The following SDK1 variants were observed in gnomAD, a reference collection of about 807,000 sequenced individuals.
SDK1 encodes sidekick cell adhesion molecule 1.
A neutral mutation model predicts 245.5 loss-of-function variants in SDK1; 157 were observed. The observed-to-expected ratio is 0.64, with a 90% CI of 0.56 to 0.73. SDK1 has a LOEUF of 0.73. Ranked by LOEUF, SDK1 falls within the 30% of genes least tolerant of loss-of-function variation. The probability of loss-of-function intolerance (pLI) is 0.00; values close to 1 mark genes in which losing one functional copy is unlikely to be tolerated. For missense variants in SDK1, 3,583 were observed against 3,002.3 expected, an observed-to-expected ratio of 1.19 and a Z score of -4.52; for synonymous variants, 1,647 against 1,278.5, an observed-to-expected ratio of 1.29 and a Z score of -6.15.
At chr7:3,667,113 T>C (rs1185882651) in intron 4 of SDK1, among the ~76,000 whole-genome samples, 3 of 152,202 alleles carry the variant, frequency 2.0e-5, no homozygotes, top group Non-Finnish European at 2.9e-5. Flanking sequence ...TTGTGACATA[T>C]TGTAATATGT....
rs942040848 is a variant in SDK1 at position 4,266,901 on chromosome 7, C to A, written c.*1517C>A. On this transcript the variant is annotated 3_prime_UTR_variant, in exon 45 of 45. Coordinates refer to ENST00000404826, the MANE Select transcript of SDK1 (RefSeq NM_152744.4). ...GCACGGCAAACGGGCAGGTGCCGTT[C>A]CCCCAGTGACCTGAGGGTAGGGGAC... 1 of 985,486 alleles carries A rather than the reference C, an allele frequency of 1.0e-6. No individual in the cohort carries two copies. 61.0% of individuals were successfully genotyped at this position (985,486 alleles called of 1,614,324 possible).
At chr7:4,127,550 G>C in intron 26 of SDK1, 54 bp downstream of exon 26, 1 of 1,320,740 alleles carries the variant, frequency 7.6e-7, no homozygotes, top group Non-Finnish European at 1.1e-6. Flanking sequence ...TGGGGAAATG[G>C]GAGCATGTGC....
At chr7:3,672,697 TTAAA>T (rs943783074) in intron 4 of SDK1, among the ~76,000 whole-genome samples, 4 of 135,308 alleles carry the variant, frequency 3.0e-5, no homozygotes, top group African/African-American at 8.2e-5. Context: ...AAAATTTATA[TTAAA>T]TAAAAATTAA....
chr7:4,040,495 G>A (rs1464788855), intron 17 of SDK1, among the ~76,000 whole-genome samples: 2 of 152,180 alleles, frequency 1.3e-5, no homozygotes, highest in African/African-American at 4.8e-5. Context: ...GACACACAAG[G>A]AGTGAGGTTA....
At chr7:3,796,615 C>T (rs546973426) in intron 4 of SDK1, among the ~76,000 whole-genome samples, 4 of 152,334 alleles carry the variant, frequency 2.6e-5, no homozygotes, top group Non-Finnish European at 5.9e-5. Flanking sequence ...TCCCTCGTGA[C>T]CACCTTGGCT....
At chr7:3,997,775 C>T (rs1333103962) in intron 14 of SDK1, among the ~76,000 whole-genome samples, 1 of 152,154 alleles carries the variant, frequency 6.6e-6, no homozygotes, top group African/African-American at 2.4e-5. Context: ...CCCCAGCCTC[C>T]AGGCCCTCAC....
At chr7:4,216,005 T>C (rs1179440976) in intron 38 of SDK1, among the ~76,000 whole-genome samples, 1 of 152,046 alleles carries the variant, frequency 6.6e-6, no homozygotes, top group Non-Finnish European at 1.5e-5. Flanking sequence ...GTTCCTGCAT[T>C]CTCTCTTCCT....
intron 1 of SDK1, among the ~76,000 whole-genome samples, chr7:3,308,833 C>G (rs1779482380): frequency 6.6e-6 from 1 of 151,966 alleles, no homozygotes; most frequent in African/African-American, 2.4e-5. Flanking sequence ...GGGTTGGAAG[C>G]TCTCAAGTGT....
At chr7:3,588,733 C>T (rs964946998) in intron 1 of SDK1, among the ~76,000 whole-genome samples, 2 of 152,172 alleles carry the variant, frequency 1.3e-5, no homozygotes, top group African/African-American at 4.8e-5. Context: ...TTAGTTTCTC[C>T]TTGCTATCAG....
chr7:4,198,953 A>G (rs901326841), intron 35 of SDK1, among the ~76,000 whole-genome samples: 1 of 151,516 alleles, frequency 6.6e-6, no homozygotes, highest in Non-Finnish European at 1.5e-5. Flanking sequence ...AGCTGAAATT[A>G]CAGGCACGCA....
At chr7:3,720,473 A>G (rs1785334769) in intron 4 of SDK1, among the ~76,000 whole-genome samples, 1 of 152,240 alleles carries the variant, frequency 6.6e-6, no homozygotes, top group African/African-American at 2.4e-5. Context: ...AAACATGTAT[A>G]AAGATATTCA....
intron 2 of SDK1, among the ~76,000 whole-genome samples, chr7:3,620,550 G>C (rs1340247616): frequency 6.6e-6 from 1 of 152,150 alleles, no homozygotes; most frequent in Non-Finnish European, 1.5e-5. Context: ...TGATCTGCCT[G>C]CCTTGGCCTG....
At chr7:3,754,375 A>T (rs1170419138) in intron 4 of SDK1, among the ~76,000 whole-genome samples, 1 of 152,222 alleles carries the variant, frequency 6.6e-6, no homozygotes, top group East Asian at 1.9e-4. Flanking sequence ...TTCCCCTGAA[A>T]TTCAGGTAAC....
At chr7:3,673,522 A>G (rs759235899) in intron 4 of SDK1, among the ~76,000 whole-genome samples, 1 of 152,242 alleles carries the variant, frequency 6.6e-6, no homozygotes, top group South Asian at 2.1e-4. Context: ...ATAAAAGTAC[A>G]TACCATAGGC....
At chr7:4,134,677 A>T (rs982744962) in intron 28 of SDK1, 1 of 152,644 alleles carries the variant, frequency 6.6e-6, no homozygotes, top group Non-Finnish European at 1.5e-5. Flanking sequence ...CCTGGCTCCC[A>T]CTGCCGGCCT....
Position 4,266,166 on chromosome 7 carries a change from C to T in SDK1, c.*782C>T, listed in dbSNP as rs1302319615. ...CCTCTCCTTCCCCGAACACAGCACA[C>T]GGTCAACTCCGCGGGACACGAGGAC... On this transcript the variant is annotated 3_prime_UTR_variant, in exon 45 of 45. Transcript: ENST00000404826. 14 of 985,372 alleles carry T rather than the reference C, an allele frequency of 1.4e-5. No homozygotes were observed. Among genetic ancestry groups the T allele is most frequent in the Middle Eastern group, 5.2e-4 (1 of 1,936 alleles). 61.0% of individuals were successfully genotyped at this position (985,372 alleles called of 1,614,324 possible).
chr7:3,807,253 C>G (rs112571524), intron 4 of SDK1, among the ~76,000 whole-genome samples: 4 of 152,254 alleles, frequency 2.6e-5, no homozygotes, highest in African/African-American at 7.2e-5. Flanking sequence ...AAGGTAACCT[C>G]CAGAACAGTC....
At chr7:3,397,467 G>C (rs559576489) in intron 1 of SDK1, among the ~76,000 whole-genome samples, 1 of 136,222 alleles carries the variant, frequency 7.3e-6, no homozygotes, top group South Asian at 2.2e-4. Context: ...TTTTTGGTTC[G>C]TAGTCTTTTC....
chr7:3,804,727 T>G (rs1038402133), intron 4 of SDK1, among the ~76,000 whole-genome samples: 2 of 152,170 alleles, frequency 1.3e-5, no homozygotes, highest in Admixed American at 6.5e-5. Context: ...AGAACTTTGA[T>G]TTCTTTCTTT....
Sources: gnomAD v4.1 joint callset for allele counts (sites outside exome capture counted in the v4.1 genomes callset) on GRCh38, gnomAD v4.1.1 for gene constraint, MANE v1.5 for transcripts, NCBI Gene and HGNC (gene_info 2026-07-23, HGNC 2026-07-21) for gene names.